The following MMD2 variants were observed in gnomAD, a reference collection of about 807,000 sequenced individuals.
MMD2 encodes monocyte to macrophage differentiation factor 2.
Under a neutral mutation model 33.5 loss-of-function variants are expected in MMD2, and 30 were observed. That is an observed-to-expected ratio of 0.90 (90% CI 0.67 to 1.22). The LOEUF is 1.22. Ranked by LOEUF, MMD2 falls within the 50% of genes most tolerant of loss-of-function variation. The pLI is 0.00. For missense variants in MMD2, 364 were observed against 325.4 expected (o/e 1.12, Z -0.91); for synonymous variants, 129 against 123.0 (o/e 1.05, Z -0.32).
At chr7:4,917,825 T>C (rs1408349977) in intron 3 of MMD2, among the ~76,000 whole-genome samples, 1 of 152,144 alleles carries the variant, frequency 6.6e-6, no homozygotes, top group African/African-American at 2.4e-5. Flanking sequence ...GCCTCCACAA[T>C]GGTGCCAATG....
intron 1 of MMD2, among the ~76,000 whole-genome samples, chr7:4,949,009 G>T (rs1447680064): frequency 6.6e-6 from 1 of 152,008 alleles, no homozygotes; most frequent in African/African-American, 2.4e-5. Context: ...AAAGATGGTT[G>T]CAGTGAGCTG....
intron 1 of MMD2, among the ~76,000 whole-genome samples, chr7:4,956,994 C>T (rs1786399897): frequency 6.6e-6 from 1 of 151,614 alleles, no homozygotes; most frequent in Admixed American, 6.6e-5. Context: ...GGCAAGACCC[C>T]GCCTCTATTA....
chr7:4,909,529 G>A (rs532033164), intron 6 of MMD2, among the ~76,000 whole-genome samples: 1 of 151,976 alleles, frequency 6.6e-6, no homozygotes, highest in Admixed American at 6.6e-5. Flanking sequence ...TACAACCTCT[G>A]CATCCCAGGT....
chr7:4,922,391 G>A (rs918762180), intron 2 of MMD2, among the ~76,000 whole-genome samples: 3 of 151,870 alleles, frequency 2.0e-5, no homozygotes, highest in African/African-American at 2.4e-5. Flanking sequence ...TCAACAGGGC[G>A]AAACCCCATC....
intron 1 of MMD2, among the ~76,000 whole-genome samples, chr7:4,958,295 C>T (rs1326294608): frequency 6.6e-6 from 1 of 152,192 alleles, no homozygotes; most frequent in Non-Finnish European, 1.5e-5. Flanking sequence ...GAGAAACCCC[C>T]TCCCCACGCC....
intron 1 of MMD2, among the ~76,000 whole-genome samples, chr7:4,943,733 C>A (rs1785975671): frequency 6.6e-6 from 1 of 152,138 alleles, no homozygotes; most frequent in Non-Finnish European, 1.5e-5. Context: ...CTAGACACTT[C>A]ACAAACTGCC....
chr7:4,934,934 C>T (rs554088685), intron 1 of MMD2, among the ~76,000 whole-genome samples: 14 of 152,274 alleles, frequency 9.2e-5, no homozygotes, highest in African/African-American at 3.4e-4. Context: ...GCCTGTGATC[C>T]CAGCACTTTG....
At position 4,907,597 on chromosome 7, in the gene MMD2, G is replaced by T; in HGVS notation, c.540C>A (p.Pro180=). 1 of 1,612,192 alleles carries T rather than the reference G, an allele frequency of 6.2e-7. No individual in the cohort carries two copies. Among genetic ancestry groups the T allele is most frequent in the Non-Finnish European group, 8.5e-7 (1 of 1,179,754 alleles). The change falls in exon 7 of 7, where the codon CCC becomes CCA. Residue 180 remains proline, a splice_region_variant and synonymous_variant. Coordinates refer to ENST00000401401, the MANE Select transcript of MMD2 (RefSeq NM_198403.4). ...FFPALVILSM[P]NTEGIWELVT... is the part of the protein sequence containing the mutation. ...CCAGCTCCCAGATGCCCTCGGTGTTGGGCTGTCGGCAAGGACAAGGGTGGG... is the reference window on the plus strand; with the variant it reads ...CCAGCTCCCAGATGCCCTCGGTGTTTGGCTGTCGGCAAGGACAAGGGTGGG...
intron 1 of MMD2, among the ~76,000 whole-genome samples, chr7:4,929,003 G>A (rs1359945230): frequency 2.0e-5 from 3 of 152,186 alleles, no homozygotes; most frequent in Admixed American, 2.0e-4. Context: ...CTCATTTATG[G>A]AGCATATTGT....
chr7:4,931,716 C>T (rs749966640), intron 1 of MMD2, among the ~76,000 whole-genome samples: 21 of 152,046 alleles, frequency 1.4e-4, no homozygotes, highest in African/African-American at 1.2e-4. Context: ...AGGTACATGC[C>T]ACCACACCCA....
intron 1 of MMD2, among the ~76,000 whole-genome samples, chr7:4,951,205 C>G (rs1247179780): frequency 6.6e-6 from 1 of 152,086 alleles, no homozygotes. Flanking sequence ...CCCTTGATAA[C>G]TATGATGGCA....
At chr7:4,944,913 G>A (rs1436749739) in intron 1 of MMD2, among the ~76,000 whole-genome samples, 5 of 151,024 alleles carry the variant, frequency 3.3e-5, no homozygotes, top group Non-Finnish European at 7.4e-5. Context: ...GACTACAGGC[G>A]CCCGCCACCA....
At chr7:4,897,545 C>T in the MMD2 span, among the ~76,000 whole-genome samples, 1 of 152,104 alleles carries the variant, frequency 6.6e-6, no homozygotes, top group African/African-American at 2.4e-5. Context: ...AGAGAAAGGC[C>T]TTAAGAAGCA....
intron 1 of MMD2, among the ~76,000 whole-genome samples, chr7:4,949,564 T>A (rs1442379852): frequency 6.6e-6 from 1 of 151,702 alleles, no homozygotes; most frequent in South Asian, 2.1e-4. Context: ...CACGCTGGAG[T>A]GCAATGGTGC....
chr7:4,924,495 T>C (rs1399856621), intron 2 of MMD2, among the ~76,000 whole-genome samples: 2 of 152,246 alleles, frequency 1.3e-5, no homozygotes, highest in African/African-American at 4.8e-5. Flanking sequence ...CATGTCTGCA[T>C]TGCCAGGGCC....
chr7:4,959,003 C>T lies in MMD2; in HGVS notation c.15G>A (p.Arg5=). ...ATTTCGTCTTCTGGAAATCCAGCAG[C>T]CGGGGGGCGAACATCGCGGCGCTTC... MFAP[R]LLDFQKTKYA... Residue 5 remains arginine, a synonymous_variant, in exon 1 of 7, where the codon CGG becomes CGA. Transcript: ENST00000401401. The T allele has an allele frequency of 5.5e-6, 7 of 1,275,438 alleles. No homozygotes were observed. Among genetic ancestry groups the T allele is most frequent in the South Asian group, 3.0e-5 (1 of 33,630 alleles). The allele number at this position is 1,275,438 out of a possible 1,614,324, so 79.0% of individuals were successfully genotyped here. A position where few individuals can be genotyped will look rare whatever the true frequency, so the allele number is the denominator to read the frequency against.
In MMD2 at chr7:4,937,975, C is replaced by CT. The variant is rs1383705192; in HGVS notation, c.48-12444dup. Among the ~76,000 whole-genome samples the CT allele has an allele frequency of 3.1e-4, 26 of 83,316 alleles. 1 individual carries two copies. The highest frequency in any genetic ancestry group is 2.3e-3 in the South Asian group (6 of 2,558). 54.7% of individuals were successfully genotyped at this position (83,316 alleles called of 152,430 possible). On this transcript the variant is annotated intron_variant, in intron 1 of 6. Coordinates refer to ENST00000401401, the MANE Select transcript of MMD2 (RefSeq NM_198403.4). The stretch of plus-strand genomic sequence containing the variant: ...TAAGAAAACAATTTAATTTCTTTTT[C>CT]TTTTTTTTTTCTTTTTTTCTTTCTT...
chr7:4,915,750 G>GAA lies in MMD2; in HGVS notation c.365+253_365+254dup, dbSNP rs59352970. Among the ~76,000 whole-genome samples the GAA allele has an allele frequency of 7.3e-3, 746 of 102,632 alleles. 3 individuals carry two copies. The highest frequency in any genetic ancestry group is 0.032 in the South Asian group (84 of 2,614). The allele number at this position is 102,632 out of a possible 152,430, so 67.3% of individuals were successfully genotyped here. Reference sequence around the variant, plus strand: ...GTGAGATTCTGTCTCAGAATTCTCAGAAAAAAAAAAAACAATGTATATATT... The same window carrying GAA: ...GTGAGATTCTGTCTCAGAATTCTCAGAAAAAAAAAAAAAACAATGTATATATT... On this transcript the variant is annotated intron_variant, in intron 4 of 6. Coordinates refer to ENST00000401401, the MANE Select transcript of MMD2 (RefSeq NM_198403.4).
intron 1 of MMD2, among the ~76,000 whole-genome samples, chr7:4,951,628 C>A (rs55768762): frequency 0.19 from 28,722 of 152,070 alleles, 3,797 homozygotes; most frequent in African/African-American, 0.36. Flanking sequence ...GAGACAAGGT[C>A]TCCCTCTGTC....
Sources: gnomAD v4.1 joint callset for allele counts (sites outside exome capture counted in the v4.1 genomes callset) on GRCh38, gnomAD v4.1.1 for gene constraint, MANE v1.5 for transcripts, NCBI Gene and HGNC (gene_info 2026-07-23, HGNC 2026-07-21) for gene names.